The following HMCN1 variants were observed in gnomAD, a reference collection of about 807,000 sequenced individuals.
HMCN1 encodes the protein hemicentin-1.
HMCN1 carries 321 observed loss-of-function variants against 625.9 expected under a neutral mutation model. The ratio of observed to expected loss-of-function variants is 0.51; its 90% CI spans 0.47 to 0.56. The LOEUF (loss-of-function observed/expected upper bound fraction) is 0.56. Among genes scored for constraint, HMCN1 ranks in the 20% least tolerant of loss-of-function variants. The pLI, the probability that HMCN1 is intolerant of heterozygous loss-of-function variation, is 0.00. For missense variants in HMCN1, 6,588 were observed against 6,887.3 expected (o/e 0.96, Z 1.54); for synonymous variants, 2,425 against 2,417.6 (o/e 1.00, Z -0.09).
At chr1:185,838,847 C>T (rs1028022847) in intron 1 of HMCN1, among the ~76,000 whole-genome samples, 1 of 152,170 alleles carries the variant, frequency 6.6e-6, no homozygotes, top group Non-Finnish European at 1.5e-5. Flanking sequence ...ACAATTTGAA[C>T]TCTGCTAAGT....
At chr1:185,858,648 C>T (rs1662646387) in intron 2 of HMCN1, among the ~76,000 whole-genome samples, 1 of 97,450 alleles carries the variant, frequency 1.0e-5, no homozygotes, top group Non-Finnish European at 1.9e-5. Flanking sequence ...ACGGGGATTT[C>T]CTCTGTTGCA....
chr1:186,038,134 A>C, intron 37 of HMCN1, 99 bp downstream of exon 37: 1 of 763,868 alleles, frequency 1.3e-6, no homozygotes, highest in Non-Finnish European at 2.4e-6. Context: ...AGTAAAGAAC[A>C]GGTTATAGAA....
chr1:185,928,849 TG>T (rs1667404832), intron 10 of HMCN1, among the ~76,000 whole-genome samples, 182 bp downstream of exon 10: 2 of 152,118 alleles, frequency 1.3e-5, no homozygotes, highest in Admixed American at 1.3e-4. Flanking sequence ...CGACTCTCCT[TG>T]GGCTAATTGT....
intron 81 of HMCN1, 41 bp downstream of exon 81, chr1:186,123,261 C>G (rs1470092116): frequency 6.3e-7 from 1 of 1,590,384 alleles, no homozygotes; most frequent in Non-Finnish European, 8.6e-7. Context: ...TGCTGCACTA[C>G]CATGGCAAAG....
chr1:185,965,945 T>C (rs1194964544), intron 14 of HMCN1, 30 bp downstream of exon 14: 2 of 1,233,866 alleles, frequency 1.6e-6, no homozygotes, highest in Non-Finnish European at 2.4e-6. Context: ...TTGTGTCTGG[T>C]TCACTTAGTT....
intron 1 of HMCN1, among the ~76,000 whole-genome samples, chr1:185,780,639 C>A (rs1309296170): frequency 6.6e-6 from 1 of 152,098 alleles, no homozygotes; most frequent in Non-Finnish European, 1.5e-5. Context: ...TGTTTATATG[C>A]TGGATTACGT....
chr1:185,917,643 A>C lies in HMCN1; in HGVS notation c.901-4736A>C, dbSNP rs577463988. ...GGCTTTCATGTCATTTATTAAACCT[A>C]CAAAACCTACACTTATCACGTGCCA... On this transcript the variant is annotated intron_variant, in intron 6 of 106. Coordinates refer to ENST00000271588, the MANE Select transcript of HMCN1 (RefSeq NM_031935.3). Among the ~76,000 whole-genome samples the C allele has an allele frequency of 7.9e-5, 12 of 152,328 alleles. No homozygotes were observed. In the East Asian group the frequency reaches 1.5e-3, roughly 20 times the overall value.
At chr1:186,061,408 A>C (rs954191957) in intron 46 of HMCN1, among the ~76,000 whole-genome samples, 3 of 152,126 alleles carry the variant, frequency 2.0e-5, no homozygotes, top group African/African-American at 7.2e-5. Flanking sequence ...AACCATTCCC[A>C]TGATCAGGTC....
intron 97 of HMCN1, among the ~76,000 whole-genome samples, chr1:186,161,783 G>C (rs537439717): frequency 0.018 from 2,718 of 152,286 alleles, 92 homozygotes; most frequent in African/African-American, 0.057. Flanking sequence ...TTTCTGCTGA[G>C]AGATCCGCTG....
chr1:186,036,595 CTT>C (rs199705709), intron 36 of HMCN1, among the ~76,000 whole-genome samples: 1 of 145,136 alleles, frequency 6.9e-6, no homozygotes, highest in East Asian at 2.0e-4. Context: ...AGTATTTTTT[CTT>C]TTTTTTTTTT....
rs774931760 is a variant in HMCN1, at chr1:186,015,442, G to A, written c.4909+5G>A. The A allele has an allele frequency of 1.4e-5, 23 of 1,612,180 alleles. No homozygotes were observed. In the South Asian group the frequency reaches 1.8e-4, roughly 12 times the overall value. ...CATTCCATGTGGATGTCTATGGTGA[G>A]GAACAACATATGCTTTAATTATATA... On this transcript the variant is annotated splice_donor_5th_base_variant and intron_variant, in intron 31 of 106. Transcript: ENST00000271588.
In HMCN1 at chr1:186,166,176, T is replaced by C. The variant is rs778126497; in HGVS notation, c.15320-8T>C. The C allele has an allele frequency of 1.2e-5, 20 of 1,613,938 alleles. No individual in the cohort carries two copies. The Admixed American group carries it at 2.2e-4, about 17-fold the overall frequency. On this transcript the variant is annotated splice_region_variant and splice_polypyrimidine_tract_variant and intron_variant, in intron 98 of 106. Coordinates refer to ENST00000271588, the MANE Select transcript of HMCN1 (RefSeq NM_031935.3). Reference sequence around the variant, plus strand: ...TACTGATTTGGGCCTTTTTGTTTCTTCTTTAAGATGAGGATGAATGTGCAG... The same window carrying C: ...TACTGATTTGGGCCTTTTTGTTTCTCCTTTAAGATGAGGATGAATGTGCAG...
chr1:186,087,247 A>G lies in HMCN1; in HGVS notation c.9077A>G (p.Lys3026Arg). 3 of 1,613,138 alleles carry G rather than the reference A, an allele frequency of 1.9e-6. No individual in the cohort carries two copies. Among genetic ancestry groups the G allele is most frequent in the Non-Finnish European group, 2.5e-6 (3 of 1,179,312 alleles). ...CGAACTCTACAGATTATTCGGGCCA[A>G]GGTATCAGATGGTGGTGAATACACT... Reference protein sequence around the residue: ...GGRTLQIIRAKVSDGGEYTCI... With the variant: ...GGRTLQIIRARVSDGGEYTCI... Residue 3026 changes from lysine (K) to arginine (R), a missense_variant, in exon 59 of 107, where the codon AAG (lysine) becomes AGG (arginine). This residue lies in a region of HMCN1 where 4,628 missense variants were observed against 4,853.1 expected (regional missense o/e 0.95). Coordinates refer to ENST00000271588, the MANE Select transcript of HMCN1 (RefSeq NM_031935.3).
At chr1:186,024,655 C>T (rs1654944958) in intron 36 of HMCN1, among the ~76,000 whole-genome samples, 2 of 152,150 alleles carry the variant, frequency 1.3e-5, no homozygotes, top group Non-Finnish European at 2.9e-5. Flanking sequence ...TATCTGACTT[C>T]CATAGTGATT....
chr1:185,815,456 A>G (rs115990967), intron 1 of HMCN1, among the ~76,000 whole-genome samples: 2,917 of 150,236 alleles, frequency 0.019, 395 homozygotes, highest in African/African-American at 0.068. Context: ...TTTCTCATCC[A>G]TGCTGCCTAT....
At chr1:186,005,240 TAAAC>T (rs1653503374) in intron 29 of HMCN1, among the ~76,000 whole-genome samples, 1 of 126,508 alleles carries the variant, frequency 7.9e-6, no homozygotes, top group South Asian at 2.8e-4. Flanking sequence ...TAATTGTTTA[TAAAC>T]GTTTATAAAC....
chr1:185,913,876 G>A (rs747622843), intron 6 of HMCN1, among the ~76,000 whole-genome samples: 1 of 152,142 alleles, frequency 6.6e-6, no homozygotes, highest in Non-Finnish European at 1.5e-5. Flanking sequence ...TTAGAACAGA[G>A]AAGTAATGAG....
intron 46 of HMCN1, among the ~76,000 whole-genome samples, chr1:186,059,396 T>C (rs915144849): frequency 5.9e-5 from 9 of 152,046 alleles, no homozygotes; most frequent in Admixed American, 5.3e-4. Context: ...GCAGAGCTCC[T>C]GGAAGTGAAA....
chr1:185,871,504 A>G (rs1288805601), intron 4 of HMCN1, among the ~76,000 whole-genome samples: 1 of 152,176 alleles, frequency 6.6e-6, no homozygotes. Context: ...ATTAACTGCT[A>G]TTATTTTTAT....
Sources: allele counts gnomAD v4.1 joint callset (sites outside exome capture counted in the v4.1 genomes callset), GRCh38; gene constraint gnomAD v4.1.1; regional missense constraint gnomAD v4.1.1; transcripts MANE v1.5; gene names NCBI Gene and HGNC (gene_info 2026-07-23, HGNC 2026-07-21).